Variants in FASN observed in about 807,000 individuals in gnomAD.
FASN encodes fatty acid synthase, also known as 3-hydroxyacyl-[acyl-carrier-protein] dehydratase.
Under a neutral mutation model 250.0 loss-of-function variants are expected in FASN, and 50 were observed. The observed-to-expected ratio is 0.20, with a 90% CI of 0.16 to 0.25. FASN has a LOEUF of 0.25. Ranked by LOEUF, FASN falls within the 10% of genes least tolerant of loss-of-function variation. The pLI is 1.00. For missense variants in FASN, 3,031 were observed against 3,498.5 expected (o/e 0.87, Z 3.37); for synonymous variants, 1,909 against 1,584.0 (o/e 1.21, Z -4.87).
chr17:82,094,102 T>G (rs1598584367), intron 3 of FASN: 2 of 437,754 alleles, frequency 4.6e-6, no homozygotes. Flanking sequence ...GGCAGCATTG[T>G]CCCCAGGCGA....
chr17:82,079,902 T>C (rs1184102827), intron 41 of FASN: 12 of 626,138 alleles, frequency 1.9e-5, no homozygotes, highest in Admixed American at 2.9e-5. Context: ...GAGAAGGGGT[T>C]TCTCCACGTT....
chr17:82,084,596 T>C lies in FASN; in HGVS notation c.4685A>G (p.Gln1562Arg). ...RHAQPTCPGA[Q>R]LCTVYYASLN... The stretch of plus-strand genomic sequence containing the variant: ...GGAGGCGTAGTAGACCGTGCAGAGC[T>C]GGGCGCCAGGGCAGGTGGGCTGGGC... Residue 1562 changes from glutamine to arginine, a missense_variant, in exon 27 of 43, where the codon CAG becomes CGG. By Grantham distance (43) the Gln-to-Arg change is conservative (BLOSUM62 1). Transcript: ENST00000306749. The C allele has an allele frequency of 6.2e-7, 1 of 1,610,302 alleles. No individual in the cohort carries two copies.
rs202158849 is a variant in FASN, at chr17:82,091,487, C to G, written c.1227G>C (p.Gln409His). The G allele has an allele frequency of 5.0e-5, 80 of 1,604,674 alleles. No individual in the cohort carries two copies. The Admixed American group carries it at 1.1e-3, about 23-fold the overall frequency. Reference protein sequence around the residue: ...NVHIILRPNTQPPPAPAPHAT... With the variant: ...NVHIILRPNTHPPPAPAPHAT... ...CATGTGGGGCGGGTGCGGGGGGCGG[C>G]TGCGTGTTGGGCCTCAGGATGATGT... The change falls in exon 9 of 43, where the codon CAG becomes CAC. Residue 409 changes from glutamine to histidine, a missense_variant. Gln to His is a conservative substitution (Grantham distance 24). Transcript: ENST00000306749.
chr17:82,080,007 C>G (rs9904054), intron 41 of FASN, 133 bp downstream of exon 41: 1 of 1,008,052 alleles, frequency 9.9e-7, no homozygotes, highest in African/African-American at 1.6e-5. Context: ...CGCATCCGGC[C>G]GGGATCGGCT....
chr17:82,087,662 G>A, intron 19 of FASN, 23 bp downstream of exon 19: 1 of 1,609,542 alleles, frequency 6.2e-7, no homozygotes, highest in South Asian at 1.1e-5. Context: ...GGTGGCTTGG[G>A]CAGCAGTGTA....
rs534913727 is a variant in FASN at position 82,079,582 on chromosome 17, C to A, written c.7173G>T (p.Lys2391Asn). 13 of 1,603,052 alleles carry A rather than the reference C, an allele frequency of 8.1e-6. No homozygotes were observed. The African/African-American group carries it at 1.6e-4, about 20-fold the overall frequency. The part of the protein sequence containing the change: ...NRVLEALLPL[K>N]GLEERVAAAV... ...CGGCTGCCACACGCTCCTCTAGGCC[C>A]TTCAGCGGCAGCAGCGCCTCCAGCA... Residue 2391 changes from lysine to asparagine, a missense_variant, in exon 42 of 43, where the codon AAG becomes AAT. By Grantham distance (94) the Lys-to-Asn change is moderately conservative. Transcript: ENST00000306749.
intron 20 of FASN, 32 bp from the exon 21 acceptor site, chr17:82,087,285 C>T (rs984165987): frequency 1.9e-6 from 3 of 1,603,326 alleles, no homozygotes; most frequent in Non-Finnish European, 2.6e-6. Context: ...GTGCGGCATA[C>T]TTGGGTGGGG....
At chr17:82,082,781 AG>A (rs2034014034) in intron 33 of FASN, 103 bp from the exon 34 acceptor site, 1 of 1,549,060 alleles carries the variant, frequency 6.5e-7, no homozygotes, top group Non-Finnish European at 8.8e-7. Flanking sequence ...CCATCCAGCA[AG>A]CCCCCCACAA....
rs1423319781 is a variant in FASN at position 82,079,207 on chromosome 17, T to G, written c.7472A>C (p.Glu2491Ala). 1 of 1,612,922 alleles carries G rather than the reference T, an allele frequency of 6.2e-7. No individual in the cohort carries two copies. Among genetic ancestry groups the G allele is most frequent in the Non-Finnish European group, 8.5e-7 (1 of 1,179,946 alleles). The change falls in exon 43 of 43, where the codon GAG (glutamate) becomes GCG (alanine). Residue 2491 changes from glutamate (E) to alanine (A), a missense_variant. Physicochemically the swap from Glu to Ala is moderately radical, Grantham distance 107. Transcript: ENST00000306749. The part of the protein sequence containing the change: ...HRTLLEGSGL[E>A]SIISIIHSSL... ...GCTGTGGATGATGCTGATGATGGAC[T>G]CCAGGCCGCTGCCCTCCAGCAGCGT...
At position 82,089,008 on chromosome 17, in the gene FASN, G is replaced by A. The variant is rs114850100; in HGVS notation, c.2265C>T (p.His755=). The part of the protein sequence containing the change: ...FQEALWHVPE[H]AVVLEIAPHA... ...GGGGCGCGATCTCCAGCACCACCGC[G>A]TGCTCAGGCACGTGCCACAGGGCCT... Residue 755 remains histidine (H), a synonymous_variant, in exon 14 of 43, where the codon CAC becomes CAT. Coordinates refer to ENST00000306749, the MANE Select transcript of FASN (RefSeq NM_004104.5). 385 of 1,609,350 alleles carry A rather than the reference G, an allele frequency of 2.4e-4. 1 individual carries two copies. The highest frequency in any genetic ancestry group is 1.4e-3 in the African/African-American group (104 of 74,868).
Position 82,082,341 on chromosome 17 carries a change from C to A in FASN, c.5993G>T (p.Gly1998Val). ...FQDVCKPKYS[G>V]TLNLDRVTRE... ...TACCCACCTGTCCAGGTTCAGGGTG[C>A]CGCTGTACTTGGGCTTGCAGACGTC... Residue 1998 changes from glycine to valine, a missense_variant, in exon 35 of 43, where the codon GGC (glycine) becomes GTC (valine). Transcript: ENST00000306749. The A allele has an allele frequency of 6.2e-7, 1 of 1,612,758 alleles. No individual in the cohort carries two copies. The highest frequency in any genetic ancestry group is 8.5e-7 in the Non-Finnish European group (1 of 1,179,988).
In FASN at chr17:82,093,654, A is replaced by T; in HGVS notation, c.398T>A (p.Val133Glu). 1 of 1,612,724 alleles carries T rather than the reference A, an allele frequency of 6.2e-7. No homozygotes were observed. The highest frequency in any genetic ancestry group is 8.5e-7 in the Non-Finnish European group (1 of 1,179,976). Residue 133 changes from valine (V) to glutamate (E), a missense_variant, in exon 4 of 43, where the codon GTG becomes GAG. Transcript: ENST00000306749. ...DPETLVGYSM[V>E]GCQRAMMANR... The stretch of plus-strand genomic sequence containing the variant: ...GGCCATCATCGCTCGCTGGCAGCCC[A>T]CCATGCTGTAGCCCACGAGTGTCTC...
In FASN at chr17:82,084,027, C is replaced by T. The variant is rs375698242; in HGVS notation, c.5046G>A (p.Gln1682=). ...GACTGAGGGCGATGGCGATGGCGGC[C>T]TGGCCCACGCCGCCCGAGCCCGAGT... ...LIHSGSGGVG[Q]AAIAIALSLG... The change falls in exon 29 of 43, where the codon CAG becomes CAA. Residue 1682 remains glutamine (Q), a synonymous_variant. Transcript: ENST00000306749. 5.8e-6 allele frequency: 9 copies of T among 1,540,420 alleles called. No homozygotes were observed. The highest frequency in any genetic ancestry group is 6.1e-6 in the Non-Finnish European group (7 of 1,145,594).
rs1450345536 is a variant in FASN, at chr17:82,079,166, G to A, written c.7513C>T (p.Arg2505Cys). Residue 2505 changes from arginine (R) to cysteine (C), a missense_variant, in exon 43 of 43, where the codon CGC becomes TGC. Physicochemically the swap from Arg to Cys is radical, Grantham distance 180. Coordinates refer to ENST00000306749, the MANE Select transcript of FASN (RefSeq NM_004104.5). Reference sequence around the variant, plus strand: ...GCCTAGCCCTCCCGCACGCTCACGCGTGGCTCAGCCAGGGAGCTGTGGATG... The same window carrying A: ...GCCTAGCCCTCCCGCACGCTCACGCATGGCTCAGCCAGGGAGCTGTGGATG... ...SIIHSSLAEP[R>C]VSVREG is the part of the protein sequence containing the mutation. The A allele has an allele frequency of 5.6e-6, 9 of 1,612,472 alleles. No homozygotes were observed. The highest frequency in any genetic ancestry group is 2.2e-5 in the East Asian group (1 of 44,886).
chr17:82,087,024 C>T (rs775955173), intron 21 of FASN, 26 bp downstream of exon 21: 110 of 1,609,354 alleles, frequency 6.8e-5, no homozygotes, highest in Non-Finnish European at 8.5e-5. Context: ...CAGAGGTGTC[C>T]GAAGCCAGCA....
In FASN at chr17:82,078,611, A is replaced by C; in HGVS notation, c.*532T>G. On this transcript the variant is annotated 3_prime_UTR_variant, in exon 43 of 43. Coordinates refer to ENST00000306749, the MANE Select transcript of FASN (RefSeq NM_004104.5). The surrounding 1 kb of genome is among the most constrained non-coding windows in gnomAD (Gnocchi z 5.4). Reference sequence around the variant, plus strand: ...GCCCTGTGTGCCTGTGCAGGGGCCCAGCTCCTCGGGGACTGGCCCACGACC... The same window carrying C: ...GCCCTGTGTGCCTGTGCAGGGGCCCCGCTCCTCGGGGACTGGCCCACGACC... 5.3e-6 allele frequency: 1 copy of C among 187,506 alleles called. No individual in the cohort carries two copies. 11.6% of individuals were successfully genotyped at this position (187,506 alleles called of 1,614,324 possible).
At position 82,080,906 on chromosome 17, in the gene FASN, C is replaced by T. The variant is rs370700240; in HGVS notation, c.6612G>A (p.Thr2204=). The T allele has an allele frequency of 6.5e-5, 105 of 1,609,256 alleles. No homozygotes were observed. Among genetic ancestry groups the T allele is most frequent in the Non-Finnish European group, 8.4e-5 (99 of 1,178,710 alleles). ...ADEASELACP[T]PKEDGLAQQQ... ...GCTGGGCCAGACCATCCTCCTTGGG[C>T]GTGGGGCATGCCAGCTCTGTGAAGA... is the stretch of plus-strand genomic sequence containing the variant. The change falls in exon 39 of 43, where the codon ACG becomes ACA. Residue 2204 remains threonine, a synonymous_variant. Transcript: ENST00000306749.
intron 29 of FASN, 27 bp downstream of exon 29, chr17:82,083,948 C>G: frequency 6.5e-7 from 1 of 1,544,864 alleles, no homozygotes; most frequent in Non-Finnish European, 8.7e-7. Context: ...AGGAGGGCAG[C>G]GGGAGGCACC....
Position 82,087,332 on chromosome 17 carries a change from C to T in FASN, c.3216G>A (p.Lys1072=), listed in dbSNP as rs1249165845. 3.1e-6 allele frequency: 5 copies of T among 1,611,502 alleles called. No individual in the cohort carries two copies. In the South Asian group the frequency reaches 5.5e-5, roughly 18 times the overall value. ...HRQKLYTLQD[K]AQVADVVVSR... ...GGGCTGGGGCGGGGCTACCTTGGGCCTTGTCCTGCAGTGTGTACAGCTTCT... is the reference window on the plus strand; with the variant it reads ...GGGCTGGGGCGGGGCTACCTTGGGCTTTGTCCTGCAGTGTGTACAGCTTCT... The change falls in exon 20 of 43, where the codon AAG becomes AAA. Residue 1072 remains lysine, a synonymous_variant. Transcript: ENST00000306749.
Sources: allele counts gnomAD v4.1 joint callset, GRCh38; gene constraint gnomAD v4.1.1; non-coding constraint Gnocchi (gnomAD v3.1); transcripts MANE v1.5; gene names NCBI Gene and HGNC (gene_info 2026-07-23, HGNC 2026-07-21).